The following MALRD1 variants were observed in gnomAD, a reference collection of about 807,000 sequenced individuals.
MALRD1 encodes MAM and LDL receptor class A domain containing 1.
In MALRD1, 247 loss-of-function variants were observed where a neutral mutation model predicts 242.1. That is an observed-to-expected ratio of 1.02 (90% CI 0.92 to 1.13). MALRD1 has a LOEUF of 1.13. MALRD1 is among the 50% of genes most tolerant of loss of function. The probability of loss-of-function intolerance (pLI) is 0.00; values close to 1 mark genes in which losing one functional copy is unlikely to be tolerated. For missense variants in MALRD1, 2,989 were observed against 2,533.1 expected (o/e 1.18, Z -3.86); for synonymous variants, 995 against 866.6 (o/e 1.15, Z -2.60).
chr10:19,312,980 C>G (rs1842494743), intron 21 of MALRD1, among the ~76,000 whole-genome samples: 1 of 151,348 alleles, frequency 6.6e-6, no homozygotes, highest in Non-Finnish European at 1.5e-5. Flanking sequence ...GCAAAACAAA[C>G]TAGAGATTTT....
intron 28 of MALRD1, among the ~76,000 whole-genome samples, chr10:19,424,011 G>A (rs575798722): frequency 6.6e-6 from 1 of 152,048 alleles, no homozygotes; most frequent in Non-Finnish European, 1.5e-5. Context: ...GATGGACATA[G>A]CATCTATAGT....
intron 32 of MALRD1, among the ~76,000 whole-genome samples, chr10:19,556,146 A>G (rs948745632): frequency 2.6e-5 from 4 of 152,180 alleles, no homozygotes; most frequent in African/African-American, 4.8e-5. Context: ...TTAGGTTTAT[A>G]GGAAAACTGA....
rs569580774 is a variant in MALRD1, at chr10:19,354,481, CTG to C, written c.4441+2186_4441+2187del. Among the ~76,000 whole-genome samples, 789 of 152,162 alleles carry C rather than the reference CTG, an allele frequency of 5.2e-3. 2 individuals are homozygous for C. Among genetic ancestry groups the C allele is most frequent in the Non-Finnish European group, 7.9e-3 (535 of 67,990 alleles). ...ACTAGATTGTATTCCTTCAATCTAA[CTG>C]TATTTTTGTACCCATTAACCAACCT... On this transcript the variant is annotated intron_variant, in intron 26 of 39. Transcript: ENST00000454679.
chr10:19,524,504 G>A (rs932200278), intron 31 of MALRD1, among the ~76,000 whole-genome samples: 19 of 151,972 alleles, frequency 1.3e-4, no homozygotes, highest in Non-Finnish European at 2.1e-4. Context: ...GGAAATCTGC[G>A]GGAAGAAAAT....
chr10:19,564,112 A>C (rs1407479815), intron 32 of MALRD1, among the ~76,000 whole-genome samples: 2 of 152,096 alleles, frequency 1.3e-5, no homozygotes, highest in Non-Finnish European at 2.9e-5. Context: ...CTTAAGTTTT[A>C]CCCAGTCTCA....
chr10:19,133,241 C>A (rs1463579331), intron 8 of MALRD1, among the ~76,000 whole-genome samples: 1 of 152,096 alleles, frequency 6.6e-6, no homozygotes, highest in East Asian at 1.9e-4. Flanking sequence ...ATAGATTTTG[C>A]AATCTGAAAA....
intron 21 of MALRD1, among the ~76,000 whole-genome samples, chr10:19,306,076 T>C (rs1842169257): frequency 9.6e-6 from 1 of 104,166 alleles, no homozygotes; most frequent in Non-Finnish European, 1.9e-5. Context: ...CTATATATAC[T>C]ATATACTATA....
At chr10:19,676,880 T>C (rs4748606) in intron 36 of MALRD1, among the ~76,000 whole-genome samples, 63,079 of 152,028 alleles carry the variant, frequency 0.41, 14,537 homozygotes, top group Non-Finnish European at 0.51. Context: ...TGTGTTCTCA[T>C]TGTTCAGCTT....
chr10:19,579,218 T>C (rs1836980942), intron 33 of MALRD1, among the ~76,000 whole-genome samples: 1 of 152,164 alleles, frequency 6.6e-6, no homozygotes. Context: ...GTTGAGATAT[T>C]GCACCTGGAA....
intron 34 of MALRD1, among the ~76,000 whole-genome samples, chr10:19,602,788 T>G (rs2131580758): frequency 6.6e-6 from 1 of 152,272 alleles, no homozygotes; most frequent in Middle Eastern, 3.4e-3. Flanking sequence ...TCCACAATGG[T>G]TGAACTAGTT....
chr10:19,408,716 G>A (rs547303497), intron 28 of MALRD1, among the ~76,000 whole-genome samples: 21 of 152,224 alleles, frequency 1.4e-4, no homozygotes, highest in Admixed American at 5.2e-4. Context: ...TAAATCCACA[G>A]TGAGATATCA....
chr10:19,695,255 A>G (rs1315375274), intron 38 of MALRD1, among the ~76,000 whole-genome samples: 2 of 152,136 alleles, frequency 1.3e-5, no homozygotes, highest in Admixed American at 1.3e-4. Context: ...ATATTTATAT[A>G]TGACATTATC....
At chr10:19,108,391 T>C (rs1429297546) in intron 5 of MALRD1, among the ~76,000 whole-genome samples, 1 of 9,786 alleles carries the variant, frequency 1.0e-4, no homozygotes, top group Admixed American at 1.1e-3. Flanking sequence ...TTTTTTCTTT[T>C]TTTTTTTTTT....
intron 21 of MALRD1, among the ~76,000 whole-genome samples, chr10:19,313,825 G>T (rs898133709): frequency 6.6e-6 from 1 of 151,514 alleles, no homozygotes; most frequent in African/African-American, 2.4e-5. Flanking sequence ...AACAGGAACT[G>T]TGGTTGCCCC....
intron 14 of MALRD1, among the ~76,000 whole-genome samples, chr10:19,198,884 A>T (rs1363603245): frequency 6.6e-6 from 1 of 152,184 alleles, no homozygotes; most frequent in African/African-American, 2.4e-5. Context: ...TTAAATAATT[A>T]ATGACTATTA....
In MALRD1 at chr10:19,236,910, T is replaced by G. The variant is rs976155121; in HGVS notation, c.2992-20774T>G. 5.9e-5 allele frequency among the ~76,000 whole-genome samples: 9 copies of G among 152,162 alleles called. No individual in the cohort carries two copies. The East Asian group carries it at 1.2e-3, about 20-fold the overall frequency. ...ATTTCTAACACATTAGTTTTCAGTCTTAAGGCTGAGTCAAGAACAAAGCTC... is the reference window on the plus strand; with the variant it reads ...ATTTCTAACACATTAGTTTTCAGTCGTAAGGCTGAGTCAAGAACAAAGCTC... On this transcript the variant is annotated intron_variant, in intron 18 of 39. Coordinates refer to ENST00000454679, the MANE Select transcript of MALRD1 (RefSeq NM_001142308.3).
chr10:19,124,460 T>C lies in MALRD1; in HGVS notation c.797-64T>C, dbSNP rs193193395. 9.9e-6 allele frequency: 12 copies of C among 1,216,486 alleles called. No individual in the cohort carries two copies. The Middle Eastern group carries it at 6.3e-4, about 64-fold the overall frequency. The allele number at this position is 1,216,486 out of a possible 1,614,324, so 75.4% of individuals were successfully genotyped here. On this transcript the variant is annotated intron_variant, in intron 6 of 39. Transcript: ENST00000454679. ...AAGCTTTTTGGTTGATTACAACACA[T>C]AACTTGGTTAAGCAGCCACTCTAGC...
intron 31 of MALRD1, among the ~76,000 whole-genome samples, chr10:19,523,054 A>G (rs1485717340): frequency 6.6e-6 from 1 of 152,172 alleles, no homozygotes; most frequent in Non-Finnish European, 1.5e-5. Context: ...ATTTGCAACT[A>G]TGTTCTAAGT....
At chr10:19,522,154 A>T (rs2131320003) in intron 31 of MALRD1, among the ~76,000 whole-genome samples, 1 of 152,276 alleles carries the variant, frequency 6.6e-6, no homozygotes, top group East Asian at 1.9e-4. Flanking sequence ...CTTTCAGTTT[A>T]GCATCAAGGA....
Sources: gnomAD v4.1 joint callset for allele counts (sites outside exome capture counted in the v4.1 genomes callset) on GRCh38, gnomAD v4.1.1 for gene constraint, MANE v1.5 for transcripts, NCBI Gene and HGNC (gene_info 2026-07-23, HGNC 2026-07-21) for gene names.